NDRG1: variants seen among roughly 807,000 people sequenced by gnomAD.
NDRG1 encodes protein NDRG1.
Under a neutral mutation model 56.9 loss-of-function variants are expected in NDRG1, and 32 were observed. The ratio of observed to expected loss-of-function variants is 0.56; its 90% CI spans 0.42 to 0.76. The LOEUF is 0.76. Among genes scored for constraint, NDRG1 ranks in the 30% least tolerant of loss-of-function variants. The pLI, the probability that NDRG1 is intolerant of heterozygous loss-of-function variation, is 0.00. For missense variants in NDRG1, 507 were observed against 545.7 expected, an observed-to-expected ratio of 0.93 and a Z score of 0.71; for synonymous variants, 211 against 204.1, an observed-to-expected ratio of 1.03 and a Z score of -0.29.
chr8:133,286,496 G>A (rs970532290), intron 1 of NDRG1, among the ~76,000 whole-genome samples: 4 of 152,044 alleles, frequency 2.6e-5, no homozygotes, highest in Admixed American at 6.6e-5. Flanking sequence ...TACCCTACCC[G>A]GCACCTTTTT....
intron 3 of NDRG1, among the ~76,000 whole-genome samples, chr8:133,276,895 C>T (rs1482483375): frequency 6.6e-6 from 1 of 152,222 alleles, no homozygotes; most frequent in Non-Finnish European, 1.5e-5. Context: ...CACATGTTCA[C>T]AGCAGCAGTA....
intron 3 of NDRG1, among the ~76,000 whole-genome samples, chr8:133,275,863 G>A (rs1857429709): frequency 6.6e-6 from 1 of 152,162 alleles, no homozygotes; most frequent in Admixed American, 6.5e-5. Context: ...CACACGTGGG[G>A]CACATTTGGC....
chr8:133,257,320 G>C (rs949613778), intron 7 of NDRG1, among the ~76,000 whole-genome samples: 3 of 144,140 alleles, frequency 2.1e-5, no homozygotes, highest in Non-Finnish European at 4.6e-5. Flanking sequence ...CACACACAGA[G>C]AGAGAGACAG....
chr8:133,261,201 G>T (rs1418312240), intron 5 of NDRG1, among the ~76,000 whole-genome samples: 2 of 152,090 alleles, frequency 1.3e-5, no homozygotes, highest in African/African-American at 2.4e-5. Context: ...TGCCTCCCAG[G>T]TTCAAGGGAT....
intron 4 of NDRG1, among the ~76,000 whole-genome samples, chr8:133,262,683 C>T (rs1856718427): frequency 6.6e-6 from 1 of 152,224 alleles, no homozygotes; most frequent in African/African-American, 2.4e-5. Flanking sequence ...GCTCACCCTA[C>T]CTCCTGTCCC....
intron 3 of NDRG1, among the ~76,000 whole-genome samples, chr8:133,278,969 C>A (rs1010800665): frequency 4.0e-5 from 6 of 151,052 alleles, no homozygotes; most frequent in Non-Finnish European, 7.4e-5. Context: ...CAGCTCACTG[C>A]AACCTCTGCC....
intron 5 of NDRG1, among the ~76,000 whole-genome samples, chr8:133,259,907 T>C (rs1241119889): frequency 1.3e-5 from 2 of 152,060 alleles, no homozygotes; most frequent in South Asian, 2.1e-4. Context: ...GAAGTGACGC[T>C]GAAGGGGTCA....
intron 1 of NDRG1, among the ~76,000 whole-genome samples, chr8:133,294,674 G>GGA (rs1000747675): frequency 1.4e-4 from 20 of 145,094 alleles, no homozygotes; most frequent in Non-Finnish European, 2.4e-4. Context: ...TCTGTCATGG[G>GGA]GGGGGGGCAG....
At chr8:133,241,730 C>A in intron 15 of NDRG1, 2 of 525,932 alleles carry the variant, frequency 3.8e-6, no homozygotes, top group South Asian at 4.6e-5. Flanking sequence ...TATTGTTTCA[C>A]TGTTGGTCAT....
intron 3 of NDRG1, among the ~76,000 whole-genome samples, chr8:133,266,579 C>G (rs185671003): frequency 1.3e-5 from 2 of 152,178 alleles, no homozygotes; most frequent in Non-Finnish European, 2.9e-5. Flanking sequence ...GTAGGCTGCT[C>G]CATCTGTGAG....
At chr8:133,273,908 T>A (rs1857325239) in intron 3 of NDRG1, among the ~76,000 whole-genome samples, 1 of 152,054 alleles carries the variant, frequency 6.6e-6, no homozygotes, top group South Asian at 2.1e-4. Flanking sequence ...CCCCCCTCCC[T>A]ACTCATCAAA....
rs79058013 is a variant in NDRG1, at chr8:133,252,053, G to A, written c.595-1510C>T. Among the ~76,000 whole-genome samples the A allele has an allele frequency of 6.3e-3, 954 of 152,248 alleles. 14 individuals are homozygous for A. Among genetic ancestry groups the A allele is most frequent in the African/African-American group, 0.022 (898 of 41,548 alleles). On this transcript the variant is annotated intron_variant, in intron 9 of 15. Transcript: ENST00000323851. The stretch of plus-strand genomic sequence containing the variant: ...GGCGGCCCTGCCAGCGCTTGACATC[G>A]GAGTTCTAGACTCAGAGCTGTGAGA...
chr8:133,243,736 A>G (rs775373335), intron 14 of NDRG1, among the ~76,000 whole-genome samples: 2 of 152,244 alleles, frequency 1.3e-5, no homozygotes, highest in Non-Finnish European at 2.9e-5. Context: ...AAAAAACTCT[A>G]TTTCATTTTA....
intron 3 of NDRG1, among the ~76,000 whole-genome samples, chr8:133,274,842 C>A (rs921974432): frequency 1.3e-5 from 2 of 152,190 alleles, no homozygotes; most frequent in Non-Finnish European, 2.9e-5. Flanking sequence ...ACAGCTGCCG[C>A]CCCTGGGAAA....
intron 3 of NDRG1, among the ~76,000 whole-genome samples, chr8:133,270,049 C>G (rs1004305039): frequency 2.6e-5 from 4 of 152,234 alleles, no homozygotes; most frequent in African/African-American, 7.2e-5. Context: ...CTTTGCAGCA[C>G]GACCACAATT....
chr8:133,293,914 G>A (rs1401874918), intron 1 of NDRG1, among the ~76,000 whole-genome samples: 2 of 152,188 alleles, frequency 1.3e-5, no homozygotes, highest in African/African-American at 4.8e-5. Flanking sequence ...TCACAGCCTT[G>A]GGTAGGTTTA....
At chr8:133,251,680 G>C (rs141988367) in intron 9 of NDRG1, among the ~76,000 whole-genome samples, 11 of 152,328 alleles carry the variant, frequency 7.2e-5, no homozygotes, top group Non-Finnish European at 1.3e-4. Context: ...AATCGTAAAA[G>C]GGGAAAGAGG....
intron 3 of NDRG1, among the ~76,000 whole-genome samples, chr8:133,272,341 G>C (rs187666270): frequency 1.3e-5 from 2 of 152,356 alleles, no homozygotes; most frequent in Admixed American, 1.3e-4. Flanking sequence ...TGGAGCAGGG[G>C]AGGGCGACAA....
chr8:133,281,500 G>T (rs1857799702), intron 2 of NDRG1, among the ~76,000 whole-genome samples: 1 of 152,170 alleles, frequency 6.6e-6, no homozygotes, highest in African/African-American at 2.4e-5. Flanking sequence ...GGACCAACTG[G>T]AGTCTTGGCT....
Sources: allele counts gnomAD v4.1 joint callset (sites outside exome capture counted in the v4.1 genomes callset), GRCh38; gene constraint gnomAD v4.1.1; transcripts MANE v1.5; gene names NCBI Gene and HGNC (gene_info 2026-07-23, HGNC 2026-07-21).